ADARB2: variants seen among roughly 807,000 people sequenced by gnomAD.
ADARB2 encodes the protein inactive double-stranded RNA-specific editase B2.
ADARB2 carries 25 observed loss-of-function variants against 62.2 expected under a neutral mutation model. That is an observed-to-expected ratio of 0.40 (90% CI 0.29 to 0.56). The LOEUF (loss-of-function observed/expected upper bound fraction) is 0.56. Ranked by LOEUF, ADARB2 falls within the 20% of genes least tolerant of loss-of-function variation. The pLI is 0.43. For missense variants in ADARB2, 1,071 were observed against 1,077.4 expected (o/e 0.99, Z 0.08); for synonymous variants, 572 against 500.8 (o/e 1.14, Z -1.90).
chr10:1,348,588 T>C (rs932312574), intron 3 of ADARB2, among the ~76,000 whole-genome samples: 28 of 152,316 alleles, frequency 1.8e-4, no homozygotes, highest in African/African-American at 6.3e-4. Context: ...CTACCCCTTG[T>C]GCCCTGCTCT....
chr10:1,418,861 T>A (rs1487408400), intron 1 of ADARB2, among the ~76,000 whole-genome samples: 2 of 152,120 alleles, frequency 1.3e-5, no homozygotes, highest in Non-Finnish European at 2.9e-5. Flanking sequence ...TTGTCAGTTG[T>A]CTTGGAAAAT....
chr10:1,683,146 T>C (rs1321325339), intron 1 of ADARB2, among the ~76,000 whole-genome samples: 1 of 152,202 alleles, frequency 6.6e-6, no homozygotes, highest in Non-Finnish European at 1.5e-5. Context: ...AGTGGGATAT[T>C]TGTGTGAGTT....
intron 3 of ADARB2, among the ~76,000 whole-genome samples, chr10:1,306,009 T>C (rs1341560370): frequency 1.3e-5 from 2 of 152,216 alleles, no homozygotes; most frequent in Admixed American, 6.5e-5. Flanking sequence ...GTGAGAGGGA[T>C]GCCCTATCTC....
chr10:1,297,009 T>C (rs954126010), intron 3 of ADARB2, among the ~76,000 whole-genome samples: 5 of 152,230 alleles, frequency 3.3e-5, no homozygotes, highest in African/African-American at 1.2e-4. Context: ...TTTCCTTTTC[T>C]TTTCCTCCTA....
At chr10:1,572,772 C>G (rs537923689) in intron 1 of ADARB2, among the ~76,000 whole-genome samples, 2 of 152,186 alleles carry the variant, frequency 1.3e-5, no homozygotes, top group Non-Finnish European at 2.9e-5. Flanking sequence ...GGTGCTGCAG[C>G]CTGGGCTCCC....
rs1836660014 is a variant in ADARB2 at position 1,180,615 on chromosome 10, C to T, written c.*2578G>A. 6.6e-6 allele frequency: 1 copy of T among 152,384 alleles called. No homozygotes were observed. Among genetic ancestry groups the T allele is most frequent in the South Asian group, 2.1e-4 (1 of 4,822 alleles). The allele number at this position is 152,384 out of a possible 1,614,324, so 9.4% of individuals were successfully genotyped here. The stretch of plus-strand genomic sequence containing the variant: ...GGTCACCCTTGACTGCCTCGACTAC[C>T]TTCTCCTTTCACTACCCAGGGCCTG... On this transcript the variant is annotated 3_prime_UTR_variant, in exon 10 of 10. Transcript: ENST00000381312.
At chr10:1,425,479 A>G (rs1832886843) in intron 1 of ADARB2, among the ~76,000 whole-genome samples, 1 of 152,230 alleles carries the variant, frequency 6.6e-6, no homozygotes, top group South Asian at 2.1e-4. Flanking sequence ...TGAAGTATCT[A>G]ATCTTTTATA....
At chr10:1,543,529 T>G (rs1374608790) in intron 1 of ADARB2, among the ~76,000 whole-genome samples, 1 of 152,244 alleles carries the variant, frequency 6.6e-6, no homozygotes, top group Non-Finnish European at 1.5e-5. Context: ...ACGGCAGATC[T>G]GCCGTCCATT....
At chr10:1,250,894 A>G (rs892139268) in intron 4 of ADARB2, among the ~76,000 whole-genome samples, 3 of 152,196 alleles carry the variant, frequency 2.0e-5, no homozygotes, top group African/African-American at 7.2e-5. Context: ...GTGTGAAGTG[A>G]AACAGGTGGA....
Position 1,179,886 on chromosome 10 carries a change from C to T in ADARB2, c.*3307G>A, listed in dbSNP as rs1213002733. ...CTGACTTCATCAGCCCCCCTTGTGT[C>T]GTGCCCAGCGTATTTTCAGGGTGAC... On this transcript the variant is annotated 3_prime_UTR_variant, in exon 10 of 10. Transcript: ENST00000381312. The T allele has an allele frequency of 1.3e-5, 2 of 151,828 alleles. No individual in the cohort carries two copies. The highest frequency in any genetic ancestry group is 2.4e-5 in the African/African-American group (1 of 41,168). 9.4% of individuals were successfully genotyped at this position (151,828 alleles called of 1,614,324 possible).
intron 1 of ADARB2, among the ~76,000 whole-genome samples, chr10:1,444,194 C>A (rs1416366589): frequency 6.6e-6 from 1 of 150,956 alleles, no homozygotes; most frequent in Non-Finnish European, 1.5e-5. Context: ...ATCCATCCAT[C>A]CACTCACCCA....
intron 1 of ADARB2, among the ~76,000 whole-genome samples, chr10:1,579,428 G>A (rs947574462): frequency 1.4e-4 from 21 of 152,178 alleles, no homozygotes; most frequent in African/African-American, 4.8e-4. Flanking sequence ...TTAATCATCA[G>A]TTGGTCGGAA....
At chr10:1,219,055 A>AAG (rs1830658586) in intron 6 of ADARB2, among the ~76,000 whole-genome samples, 2 of 86,506 alleles carry the variant, frequency 2.3e-5, no homozygotes, top group African/African-American at 9.2e-5. Flanking sequence ...GTCTCAAAAA[A>AAG]AAAAAAAAAA....
intron 3 of ADARB2, among the ~76,000 whole-genome samples, chr10:1,281,570 A>G (rs1831371428): frequency 6.6e-6 from 1 of 152,180 alleles, no homozygotes; most frequent in Non-Finnish European, 1.5e-5. Context: ...GTGAAAGACA[A>G]TTTGCGTGAT....
At chr10:1,260,110 C>T (rs1327702495) in intron 4 of ADARB2, among the ~76,000 whole-genome samples, 1 of 129,800 alleles carries the variant, frequency 7.7e-6, no homozygotes, top group Non-Finnish European at 1.7e-5. Flanking sequence ...ACCCTTCATG[C>T]TAAAAAAACC....
chr10:1,311,343 A>T (rs570965160), intron 3 of ADARB2, among the ~76,000 whole-genome samples: 25 of 152,316 alleles, frequency 1.6e-4, no homozygotes, highest in Non-Finnish European at 1.5e-4. Context: ...GAAAAAGCCT[A>T]ACAAAAGGCT....
chr10:1,526,590 A>G (rs1832147316), intron 1 of ADARB2: 1 of 239,108 alleles, frequency 4.2e-6, no homozygotes, highest in Non-Finnish European at 8.8e-6. Context: ...TGATCTCTGC[A>G]CAGGCCGCTC....
rs1427569529 is a variant in ADARB2 at position 1,405,447 on chromosome 10, T to G, written c.101-26287A>C. Among the ~76,000 whole-genome samples the G allele has an allele frequency of 7.9e-5, 12 of 151,964 alleles. No homozygotes were observed. The East Asian group carries it at 2.3e-3, about 29-fold the overall frequency. ...GAGTTCGGGACCAGCCTGGCCAACG[T>G]GGCAAAACCCTGTCTCTACTAAAAA... On this transcript the variant is annotated intron_variant, in intron 1 of 9. Coordinates refer to ENST00000381312, the MANE Select transcript of ADARB2 (RefSeq NM_018702.4).
At chr10:1,503,546 A>G (rs368291949) in intron 1 of ADARB2, among the ~76,000 whole-genome samples, 1 of 151,932 alleles carries the variant, frequency 6.6e-6, no homozygotes, top group African/African-American at 2.4e-5. Flanking sequence ...TTTCCTTTAT[A>G]CAGCACGATA....
Sources: allele counts gnomAD v4.1 joint callset (sites outside exome capture counted in the v4.1 genomes callset), GRCh38; gene constraint gnomAD v4.1.1; transcripts MANE v1.5; gene names NCBI Gene and HGNC (gene_info 2026-07-23, HGNC 2026-07-21).